The following SLC25A22 variants were observed in gnomAD, a reference collection of about 807,000 sequenced individuals.
The protein encoded by SLC25A22 is mitochondrial glutamate carrier 1.
SLC25A22 carries 23 observed loss-of-function variants against 33.7 expected under a neutral mutation model. The observed-to-expected ratio is 0.68, with a 90% CI of 0.49 to 0.97. The LOEUF (loss-of-function observed/expected upper bound fraction) is 0.97. Ranked by LOEUF, SLC25A22 falls within the 50% of genes least tolerant of loss-of-function variation. SLC25A22 has a pLI of 0.00. For missense variants in SLC25A22, 390 were observed against 451.1 expected, an observed-to-expected ratio of 0.86 and a Z score of 1.23; for synonymous variants, 245 against 203.8, an observed-to-expected ratio of 1.20 and a Z score of -1.72.
Position 792,544 on chromosome 11 carries a change from G to T in SLC25A22, c.587+9C>A. The T allele has an allele frequency of 6.2e-7, 1 of 1,612,310 alleles. No homozygotes were observed. Among genetic ancestry groups the T allele is most frequent in the Non-Finnish European group, 8.5e-7 (1 of 1,179,764 alleles). On this transcript the variant is annotated intron_variant, in intron 7 of 9. Coordinates refer to ENST00000628067, the MANE Select transcript of SLC25A22 (RefSeq NM_001191061.2). Reference sequence around the variant, plus strand: ...CCTTCCCTCCCCCCACCTGCCCTGTGCCTCCTACCTGAGCAGCGTGGCCCC... The same window carrying T: ...CCTTCCCTCCCCCCACCTGCCCTGTTCCTCCTACCTGAGCAGCGTGGCCCC...
chr11:792,388 C>T lies in SLC25A22; in HGVS notation c.658G>A (p.Glu220Lys), dbSNP rs781132225. The change falls in exon 8 of 10, where the codon GAG (glutamate) becomes AAG (lysine). Residue 220 changes from glutamate to lysine, a missense_variant. Physicochemically the swap from Glu to Lys is moderately conservative, Grantham distance 56 (BLOSUM62 1). Coordinates refer to ENST00000628067, the MANE Select transcript of SLC25A22 (RefSeq NM_001191061.2). ...NLNQLGRPASEEKSPFYVSFL... is the reference protein window; with the variant it reads ...NLNQLGRPASKEKSPFYVSFL... ...GACACGTAGAAAGGCGACTTCTCCTCGGACGCCGGGCGGCCCAGCTGGTTC... is the reference window on the plus strand; with the variant it reads ...GACACGTAGAAAGGCGACTTCTCCTTGGACGCCGGGCGGCCCAGCTGGTTC... The T allele has an allele frequency of 1.5e-5, 25 of 1,613,212 alleles. No individual in the cohort carries two copies. Among genetic ancestry groups the T allele is most frequent in the East Asian group, 8.9e-5 (4 of 44,880 alleles).
At chr11:794,131 T>TCCCTCCCAA in intron 4 of SLC25A22, 1 of 630,684 alleles carries the variant, frequency 1.6e-6, no homozygotes, top group Non-Finnish European at 2.9e-6. Context: ...TGCCCCTTAC[T>TCCCTCCCAA]CCCTCCCATC....
At position 798,248 on chromosome 11, in the gene SLC25A22, C is replaced by G; in HGVS notation, c.-195G>C. The G allele has an allele frequency of 2.6e-6, 1 of 390,652 alleles. No individual in the cohort carries two copies. Among genetic ancestry groups the G allele is most frequent in the Non-Finnish European group, 4.5e-6 (1 of 221,094 alleles). The allele number at this position is 390,652 out of a possible 1,614,324, so 24.2% of individuals were successfully genotyped here. A position where few individuals can be genotyped will look rare whatever the true frequency, so the allele number is the denominator to read the frequency against. ...CGCCGCCGCCGCCGCGCTCGCCTGC[C>G]CGCCCCGCGCTCGGCCAGCACCTAG... is the stretch of plus-strand genomic sequence containing the variant. On this transcript the variant is annotated 5_prime_UTR_variant, in exon 1 of 10. Transcript: ENST00000628067.
In SLC25A22 at chr11:791,666, G is replaced by A; in HGVS notation, c.*249C>T. The A allele has an allele frequency of 1.7e-6, 1 of 574,864 alleles. No homozygotes were observed. Among genetic ancestry groups the A allele is most frequent in the Non-Finnish European group, 3.1e-6 (1 of 326,182 alleles). The allele number at this position is 574,864 out of a possible 1,614,324, so 35.6% of individuals were successfully genotyped here. On this transcript the variant is annotated 3_prime_UTR_variant, in exon 10 of 10. Coordinates refer to ENST00000628067, the MANE Select transcript of SLC25A22 (RefSeq NM_001191061.2). ...CAGGCCAGGGCAGGATTGGGGCAGG[G>A]GCTAGCTTGAGGAATGTAAAGATTT...
Position 791,920 on chromosome 11 carries a change from C to T in SLC25A22, c.967G>A (p.Ala323Thr), listed in dbSNP as rs774103118. 4 of 1,597,354 alleles carry T rather than the reference C, an allele frequency of 2.5e-6. No individual in the cohort carries two copies. The Admixed American group carries it at 5.0e-5, about 20-fold the overall frequency. ...GGGTGGAGCGGGTGCTGGGCTCAGG[C>T]CTGGGGGTCCTGCAGCAGCCCCAGC... The part of the protein sequence containing the change: ...SLLGLLQDPQ[A>T] Residue 323 changes from alanine (A) to threonine (T), a missense_variant, in exon 10 of 10, where the codon GCC (alanine) becomes ACC (threonine). Ala to Thr is a moderately conservative substitution (Grantham distance 58). Transcript: ENST00000628067.
At chr11:792,823 C>T in intron 6 of SLC25A22, 47 bp downstream of exon 6, 1 of 1,573,036 alleles carries the variant, frequency 6.4e-7, no homozygotes, top group Non-Finnish European at 8.6e-7. Flanking sequence ...CTCGCCCTCA[C>T]CTCTTCCCGC....
rs141931491 is a variant in SLC25A22, at chr11:792,071, G to A, written c.819-3C>T. ...GGCCCTCGTGCCGCAGGATCTTCCT[G>A]TGGAGGAAGGACGAAAGGGTCAGCC... On this transcript the variant is annotated splice_region_variant and splice_polypyrimidine_tract_variant and intron_variant, in intron 9 of 9. Coordinates refer to ENST00000628067, the MANE Select transcript of SLC25A22 (RefSeq NM_001191061.2). The A allele has an allele frequency of 1.3e-6, 2 of 1,598,448 alleles. No individual in the cohort carries two copies. The highest frequency in any genetic ancestry group is 1.7e-6 in the Non-Finnish European group (2 of 1,172,886).
In SLC25A22 at chr11:795,372, CCCT is replaced by C. The variant is rs1294050699; in HGVS notation, c.-163-206_-163-204del. 245 of 258,706 alleles carry C rather than the reference CCCT, an allele frequency of 9.5e-4. 6 individuals carry two copies. Among genetic ancestry groups the C allele is most frequent in the Non-Finnish European group, 1.1e-3 (157 of 136,882 alleles). The allele number at this position is 258,706 out of a possible 1,614,324, so 16.0% of individuals were successfully genotyped here. On this transcript the variant is annotated intron_variant, in intron 1 of 9. Transcript: ENST00000628067. The stretch of plus-strand genomic sequence containing the variant: ...ACCACCTGGCTTCCTTTCAGTCCCC[CCCT>C]CCCCACCGCCAGCGTCTTCCCAGCC...
Position 798,228 on chromosome 11 carries a change from C to A in SLC25A22, c.-175G>T, listed in dbSNP as rs1352282245. ...GGGCAGACACTCACCACGCTCGCCG[C>A]CGCCGCCGCGCTCGCCTGCCCGCCC... On this transcript the variant is annotated 5_prime_UTR_variant, in exon 1 of 10. Coordinates refer to ENST00000628067, the MANE Select transcript of SLC25A22 (RefSeq NM_001191061.2). 1 of 395,070 alleles carries A rather than the reference C, an allele frequency of 2.5e-6. No homozygotes were observed. Among genetic ancestry groups the A allele is most frequent in the African/African-American group, 2.1e-5 (1 of 48,354 alleles). 24.5% of individuals were successfully genotyped at this position (395,070 alleles called of 1,614,324 possible).
At chr11:797,644 G>C in intron 1 of SLC25A22, 1 of 398,714 alleles carries the variant, frequency 2.5e-6, no homozygotes. Flanking sequence ...GAGGCTCCGA[G>C]TCTGGCCGGC....
rs1864785346 is a variant in SLC25A22, at chr11:795,615, T to A, written c.-163-446A>T. On this transcript the variant is annotated intron_variant, in intron 1 of 9. Transcript: ENST00000628067. ...GCCCCCTTCGAGCTAGGGGCTGGGG[T>A]CCCGGGCGCCCTAAGACCCCCCGAC... is the stretch of plus-strand genomic sequence containing the variant. The A allele has an allele frequency of 3.8e-5, 8 of 210,438 alleles. No homozygotes were observed. In the South Asian group the frequency reaches 6.0e-4, roughly 16 times the overall value. 13.0% of individuals were successfully genotyped at this position (210,438 alleles called of 1,614,324 possible).
Position 793,561 on chromosome 11 carries a change from G to A in SLC25A22, c.261C>T (p.Asn87=), listed in dbSNP as rs761435084. The change falls in exon 5 of 10, where the codon AAC becomes AAT. Residue 87 remains asparagine, a synonymous_variant. Transcript: ENST00000628067. ...TAGAGAGCTGATGTCGGAAGAAGTCGTTGGCTGCCAGCTTGATGGCCTTCT... is the reference window on the plus strand; with the variant it reads ...TAGAGAGCTGATGTCGGAAGAAGTCATTGGCTGCCAGCTTGATGGCCTTCT... ...TPEKAIKLAA[N]DFFRHQLSKD... 9 of 1,613,170 alleles carry A rather than the reference G, an allele frequency of 5.6e-6. No homozygotes were observed. The highest frequency in any genetic ancestry group is 1.7e-5 in the Admixed American group (1 of 59,984).
intron 1 of SLC25A22, chr11:795,389 G>A (rs563992917): frequency 2.3e-4 from 82 of 349,572 alleles, no homozygotes; most frequent in Non-Finnish European, 3.9e-4. Context: ...CACCGCCAGC[G>A]TCTTCCCAGC....
At chr11:793,078 G>T (rs1193701211) in intron 5 of SLC25A22, 90 bp from the exon 6 acceptor site, 8 of 1,269,994 alleles carry the variant, frequency 6.3e-6, no homozygotes, top group Non-Finnish European at 7.8e-6. Context: ...CGCAGAGGAT[G>T]GTGGGAGCCG....
chr11:791,689 T>C lies in SLC25A22; in HGVS notation c.*226A>G, dbSNP rs1358983540. 5 of 613,856 alleles carry C rather than the reference T, an allele frequency of 8.1e-6. No homozygotes were observed. In the East Asian group the frequency reaches 1.4e-4, roughly 17 times the overall value. 38.0% of individuals were successfully genotyped at this position (613,856 alleles called of 1,614,324 possible). On this transcript the variant is annotated 3_prime_UTR_variant, in exon 10 of 10. Coordinates refer to ENST00000628067, the MANE Select transcript of SLC25A22 (RefSeq NM_001191061.2). ...GGGGCTAGCTTGAGGAATGTAAAGA[T>C]TTCTGCATTTTCTACATAAATGAGA...
intron 4 of SLC25A22, chr11:794,237 G>T: frequency 1.4e-6 from 1 of 706,578 alleles, no homozygotes; most frequent in South Asian, 1.5e-5. Context: ...CACGCACCAG[G>T]CACTAAGTGG....
At chr11:796,398 T>G (rs1864829728) in intron 1 of SLC25A22, 1 of 152,152 alleles carries the variant, frequency 6.6e-6, no homozygotes, top group Non-Finnish European at 1.5e-5. Flanking sequence ...GGGGTGGGTC[T>G]GACTCAGGCT....
At chr11:795,734 G>A (rs1425242836) in intron 1 of SLC25A22, 2 of 158,048 alleles carry the variant, frequency 1.3e-5, no homozygotes, top group Non-Finnish European at 2.8e-5. Flanking sequence ...ACCCCCCACA[G>A]CCAGCCCCTT....
rs1219599367 is a variant in SLC25A22 at position 791,796 on chromosome 11, TG to T, written c.*118del. 5.1e-6 allele frequency: 7 copies of T among 1,377,208 alleles called. No individual in the cohort carries two copies. The highest frequency in any genetic ancestry group is 6.8e-6 in the Non-Finnish European group (7 of 1,036,008). 85.3% of individuals were successfully genotyped at this position (1,377,208 alleles called of 1,614,324 possible). A position where few individuals can be genotyped will look rare whatever the true frequency, so the allele number is the denominator to read the frequency against. ...GTGGACCCTGCACCCTGCCCCCTGC[TG>T]CCCCTGCCGACGGGAGGGCTGGGGA... is the stretch of plus-strand genomic sequence containing the variant. On this transcript the variant is annotated 3_prime_UTR_variant, in exon 10 of 10. Transcript: ENST00000628067.
Sources: gnomAD v4.1 joint callset for allele counts on GRCh38, gnomAD v4.1.1 for gene constraint, MANE v1.5 for transcripts, NCBI Gene and HGNC (gene_info 2026-07-23, HGNC 2026-07-21) for gene names.